Variants in ACACB observed in about 807,000 individuals in gnomAD.
The protein encoded by ACACB is acetyl-CoA carboxylase 2.
ACACB carries 209 observed loss-of-function variants against 278.8 expected under a neutral mutation model. The observed-to-expected ratio is 0.75, with a 90% CI of 0.67 to 0.84. ACACB has a LOEUF of 0.84. Among genes scored for constraint, ACACB ranks in the 40% least tolerant of loss-of-function variants. The pLI is 0.00. For missense variants in ACACB, 2,850 were observed against 3,269.0 expected, an observed-to-expected ratio of 0.87 and a Z score of 3.13; for synonymous variants, 1,174 against 1,285.6, an observed-to-expected ratio of 0.91 and a Z score of 1.86.
rs1047568912 is a variant in ACACB at position 109,176,736 on chromosome 12, C to T, written c.1437+473C>T. Among the ~76,000 whole-genome samples, 5 of 152,330 alleles carry T rather than the reference C, an allele frequency of 3.3e-5. No individual in the cohort carries two copies. In the East Asian group the frequency reaches 7.7e-4, roughly 24 times the overall value. Reference sequence around the variant, plus strand: ...GGTTCAAACAATTCTAGTGCCTCAGCCTCCTGAGTAGCTGGGATTACAGGC... The same window carrying T: ...GGTTCAAACAATTCTAGTGCCTCAGTCTCCTGAGTAGCTGGGATTACAGGC... On this transcript the variant is annotated intron_variant, in intron 9 of 52. Coordinates refer to ENST00000338432, the MANE Select transcript of ACACB (RefSeq NM_001093.4).
At chr12:109,152,437 A>G (rs906010786) in intron 2 of ACACB, among the ~76,000 whole-genome samples, 4 of 152,038 alleles carry the variant, frequency 2.6e-5, no homozygotes, top group Non-Finnish European at 5.9e-5. Context: ...CTTCCCAGAA[A>G]CTTGAAGAAC....
Position 109,265,482 on chromosome 12 carries a change from A to G in ACACB, c.7207A>G (p.Ile2403Val), listed in dbSNP as rs1041265067. 14 of 1,613,794 alleles carry G rather than the reference A, an allele frequency of 8.7e-6. No homozygotes were observed. In the South Asian group the frequency reaches 1.1e-4, roughly 13 times the overall value. ...DGPRSTIREN[I>V]TYLKHDSVLK... ...CCCGCGCTCCACCATCCGTGAGAAC[A>G]TCACGTACCTGAAGCACGACTCTGT... The change falls in exon 52 of 53, where the codon ATC becomes GTC. Residue 2403 changes from isoleucine (I) to valine (V), a missense_variant. By Grantham distance (29) the Ile-to-Val change is conservative. Coordinates refer to ENST00000338432, the MANE Select transcript of ACACB (RefSeq NM_001093.4).
chr12:109,264,755 A>G (rs1212834301), intron 50 of ACACB, among the ~76,000 whole-genome samples: 1 of 152,018 alleles, frequency 6.6e-6, no homozygotes, highest in Admixed American at 6.6e-5. Context: ...AAGGACTCCC[A>G]CAGTCACCTC....
chr12:109,167,790 G>T, intron 3 of ACACB, 106 bp from the exon 4 acceptor site: 3 of 1,524,486 alleles, frequency 2.0e-6, no homozygotes, highest in East Asian at 4.6e-5. Flanking sequence ...GATGTGCTGC[G>T]GGGGCTGCAG....
At chr12:109,167,760 A>T in intron 3 of ACACB, 136 bp from the exon 4 acceptor site, 1 of 1,340,068 alleles carries the variant, frequency 7.5e-7, no homozygotes, top group Admixed American at 2.0e-5. Flanking sequence ...ATGGAAATAC[A>T]TAGAAATACC....
At chr12:109,158,994 A>C (rs1174358726) in intron 2 of ACACB, among the ~76,000 whole-genome samples, 3 of 152,116 alleles carry the variant, frequency 2.0e-5, no homozygotes, top group Admixed American at 2.0e-4. Context: ...GAAACAAAAC[A>C]AAAAACAATC....
Position 109,247,683 on chromosome 12 carries a change from C to G in ACACB, c.5649C>G (p.Ile1883Met). Residue 1883 changes from isoleucine (I) to methionine (M), a missense_variant, in exon 40 of 53, where the codon ATC becomes ATG. This residue lies in a region of ACACB where 2,265 missense variants were observed against 2,561.3 expected (regional missense o/e 0.88). Coordinates refer to ENST00000338432, the MANE Select transcript of ACACB (RefSeq NM_001093.4). ...TGAACTCCGTCCACTGTAAACACAT[C>G]GAGGAAGGAGGAGAGTCCAGGTAAA... ...SSLNSVHCKH[I>M]EEGGESRYMI... is the part of the protein sequence containing the mutation. 6.2e-7 allele frequency: 1 copy of G among 1,613,580 alleles called. No homozygotes were observed. The highest frequency in any genetic ancestry group is 8.5e-7 in the Non-Finnish European group (1 of 1,179,694).
chr12:109,209,522 A>G (rs1042131430), intron 21 of ACACB, among the ~76,000 whole-genome samples, 169 bp downstream of exon 21: 4 of 152,088 alleles, frequency 2.6e-5, no homozygotes, highest in African/African-American at 7.2e-5. Context: ...GCAGAATCCT[A>G]TCATTTACTC....
chr12:109,175,155 A>G (rs1270996792), intron 7 of ACACB, among the ~76,000 whole-genome samples: 1 of 152,194 alleles, frequency 6.6e-6, no homozygotes, highest in Non-Finnish European at 1.5e-5. Flanking sequence ...ATAAATTCCT[A>G]ACAGTGGAGT....
rs746889062 is a variant in ACACB, at chr12:109,237,204, C to T, written c.4486C>T (p.Leu1496=). 8 of 1,614,052 alleles carry T rather than the reference C, an allele frequency of 5.0e-6. No individual in the cohort carries two copies. The highest frequency in any genetic ancestry group is 5.9e-6 in the Non-Finnish European group (7 of 1,180,030). The change falls in exon 34 of 53, where the codon CTG becomes TTG. Residue 1496 remains leucine, a synonymous_variant. Coordinates refer to ENST00000338432, the MANE Select transcript of ACACB (RefSeq NM_001093.4). ...CATTTACCGTCACTTGGAACCTGCC[C>T]TGGCCTTCCAGCTGGAACTTAACCG... ...DRIYRHLEPA[L]AFQLELNRMR...
At chr12:109,245,895 C>A (rs988324836) in intron 38 of ACACB, 147 bp downstream of exon 38, 1 of 1,033,502 alleles carries the variant, frequency 9.7e-7, no homozygotes, top group South Asian at 1.7e-5. Flanking sequence ...TCAAGACCAG[C>A]CTGGGCTACA....
chr12:109,166,823 T>A (rs1314786528), intron 2 of ACACB, 38 bp from the exon 3 acceptor site: 1 of 1,613,728 alleles, frequency 6.2e-7, no homozygotes, highest in Admixed American at 1.7e-5. Flanking sequence ...CCAGGCTTCT[T>A]CCCTCATGCA....
intron 28 of ACACB, among the ~76,000 whole-genome samples, chr12:109,230,080 G>A (rs371519344): frequency 6.6e-5 from 10 of 152,176 alleles, no homozygotes; most frequent in African/African-American, 1.4e-4. Context: ...TTGGGAGTTC[G>A]GTTGATCAGA....
chr12:109,262,950 T>TTCTATATATATATATATATATA (rs1346750205), intron 49 of ACACB: 2 of 62,470 alleles, frequency 3.2e-5, no homozygotes, highest in Non-Finnish European at 3.9e-5. Flanking sequence ...CTTTTTAACA[T>TTCTATATATATATATATATATA]TATATATATA....
In ACACB at chr12:109,256,189, G is replaced by A. The variant is rs1250149685; in HGVS notation, c.6216G>A (p.Lys2072=). The A allele has an allele frequency of 6.2e-7, 1 of 1,613,998 alleles. No individual in the cohort carries two copies. Among genetic ancestry groups the A allele is most frequent in the South Asian group, 1.1e-5 (1 of 91,084 alleles). ...GATTCTTTGACCACGGCAGTTTCAA[G>A]GAAATCATGGCACCCTGGGCGCAGA... ...QSGFFDHGSF[K]EIMAPWAQTV... is the part of the protein sequence containing the mutation. Residue 2072 remains lysine (K), a synonymous_variant, in exon 45 of 53, where the codon AAG becomes AAA. Coordinates refer to ENST00000338432, the MANE Select transcript of ACACB (RefSeq NM_001093.4).
At chr12:109,188,225 CCTTCCT>C (rs2044739372) in intron 13 of ACACB, 63 bp downstream of exon 13, 2 of 1,436,254 alleles carry the variant, frequency 1.4e-6, no homozygotes, top group Non-Finnish European at 1.9e-6. Context: ...TTCCTTCCTT[CCTTCCT>C]TCCCTCTCTC....
intron 28 of ACACB, among the ~76,000 whole-genome samples, chr12:109,231,469 T>C (rs2046468660): frequency 1.3e-5 from 2 of 152,314 alleles, no homozygotes; most frequent in South Asian, 4.1e-4. Flanking sequence ...TCAGCCACAC[T>C]GCCACTGCAA....
chr12:109,180,206 C>A, intron 11 of ACACB, 119 bp downstream of exon 11: 2 of 1,002,822 alleles, frequency 2.0e-6, no homozygotes, highest in Non-Finnish European at 2.9e-6. Context: ...AATGACTGGC[C>A]AAAGAGCACT....
intron 4 of ACACB, among the ~76,000 whole-genome samples, chr12:109,171,573 C>T (rs1313749281): frequency 6.6e-6 from 1 of 151,340 alleles, no homozygotes; most frequent in Non-Finnish European, 1.5e-5. Flanking sequence ...CGGTTTCGAA[C>T]TCCTGGCCTC....
Sources: allele counts gnomAD v4.1 joint callset (sites outside exome capture counted in the v4.1 genomes callset), GRCh38; gene constraint gnomAD v4.1.1; regional missense constraint gnomAD v4.1.1; transcripts MANE v1.5; gene names NCBI Gene and HGNC (gene_info 2026-07-23, HGNC 2026-07-21).